The following MBD5 variants were observed in gnomAD, a reference collection of about 807,000 sequenced individuals.
The protein encoded by MBD5 is methyl-CpG-binding domain protein 5.
A neutral mutation model predicts 117.3 loss-of-function variants in MBD5; 13 were observed. The observed-to-expected ratio is 0.11, with a 90% CI of 0.07 to 0.18. MBD5 has a LOEUF of 0.18. Ranked by LOEUF, MBD5 falls within the 10% of genes least tolerant of loss-of-function variation. The pLI, the probability that MBD5 is intolerant of heterozygous loss-of-function variation, is 1.00. For missense variants in MBD5, 1,879 were observed against 2,093.8 expected, an observed-to-expected ratio of 0.90 and a Z score of 2.00; for synonymous variants, 727 against 766.4, an observed-to-expected ratio of 0.95 and a Z score of 0.85.
chr2:148,403,902 A>T (rs537205709), intron 4 of MBD5, among the ~76,000 whole-genome samples: 3 of 151,956 alleles, frequency 2.0e-5, no homozygotes, highest in African/African-American at 7.2e-5. Flanking sequence ...CCCCATTCCT[A>T]ACCCCTGCAA....
chr2:148,464,569 C>T (rs2105588106), intron 7 of MBD5, among the ~76,000 whole-genome samples: 1 of 152,128 alleles, frequency 6.6e-6, no homozygotes, highest in Non-Finnish European at 1.5e-5. Context: ...GGCTCACATT[C>T]AGGAAATTTA....
chr2:148,437,612 A>G (rs1706192906), intron 4 of MBD5, among the ~76,000 whole-genome samples: 1 of 152,102 alleles, frequency 6.6e-6, no homozygotes, highest in East Asian at 1.9e-4. Context: ...AACAAAAAAT[A>G]TGTCACAACA....
At chr2:148,417,645 G>T (rs576076890) in intron 4 of MBD5, among the ~76,000 whole-genome samples, 3 of 152,134 alleles carry the variant, frequency 2.0e-5, no homozygotes, top group Admixed American at 2.0e-4. Context: ...TTTAATACTG[G>T]CCATTCTGGC....
chr2:148,072,772 A>G (rs1695397346), intron 1 of MBD5, among the ~76,000 whole-genome samples: 1 of 152,158 alleles, frequency 6.6e-6, no homozygotes, highest in Admixed American at 6.5e-5. Flanking sequence ...CCAAATTTTC[A>G]TGTCCTAGGA....
At chr2:148,306,940 A>G (rs1250235272) in intron 3 of MBD5, among the ~76,000 whole-genome samples, 1 of 152,220 alleles carries the variant, frequency 6.6e-6, no homozygotes, top group East Asian at 1.9e-4. Context: ...AAGCTTAAAC[A>G]TCACATTTTA....
intron 4 of MBD5, among the ~76,000 whole-genome samples, chr2:148,399,660 G>T (rs368350744): frequency 3.3e-5 from 5 of 152,078 alleles, no homozygotes; most frequent in African/African-American, 1.2e-4. Flanking sequence ...TCTCCTGCCT[G>T]ATTGCCCTGG....
chr2:148,207,363 G>C (rs1171184813), intron 2 of MBD5, among the ~76,000 whole-genome samples: 2 of 151,772 alleles, frequency 1.3e-5, no homozygotes, highest in African/African-American at 4.8e-5. Context: ...GGGAGTGCCT[G>C]GGGGAAAGAA....
rs748817367 is a variant in MBD5 at position 148,224,683 on chromosome 2, G to A, written c.-830-8562G>A. Among the ~76,000 whole-genome samples the A allele has an allele frequency of 3.8e-4, 57 of 151,724 alleles. 1 individual carries two copies. The highest frequency in any genetic ancestry group is 7.8e-4 in the Non-Finnish European group (53 of 67,932). On this transcript the variant is annotated intron_variant, in intron 2 of 13. Transcript: ENST00000642680. ...GCTGCCTCTAGCTATTAGTGTATTG[G>A]GGCCTATCTCTATCTTTAGCTCTAA...
intron 12 of MBD5, among the ~76,000 whole-genome samples, chr2:148,504,300 T>C (rs1457207722): frequency 2.6e-5 from 4 of 152,244 alleles, no homozygotes; most frequent in Non-Finnish European, 5.9e-5. Context: ...GACTTTCCTT[T>C]TCGATGCCCA....
At chr2:148,358,137 T>C (rs746082357) in intron 4 of MBD5, among the ~76,000 whole-genome samples, 4 of 152,202 alleles carry the variant, frequency 2.6e-5, no homozygotes, top group Admixed American at 6.5e-5. Flanking sequence ...TTTTACTGGG[T>C]CTTAAAAGAA....
intron 4 of MBD5, among the ~76,000 whole-genome samples, chr2:148,371,863 A>G (rs961429756): frequency 6.6e-6 from 1 of 152,164 alleles, no homozygotes. Flanking sequence ...ACATCAACAT[A>G]TTAAAGTCAC....
chr2:148,044,368 C>T (rs1185958266), intron 1 of MBD5: 1 of 152,104 alleles, frequency 6.6e-6, no homozygotes. Flanking sequence ...TAGTATTAAG[C>T]AGAAACATTT....
At chr2:148,125,232 C>T (rs1341934167) in intron 1 of MBD5, among the ~76,000 whole-genome samples, 1 of 151,554 alleles carries the variant, frequency 6.6e-6, no homozygotes, top group African/African-American at 2.4e-5. Flanking sequence ...TTTTTTTAAC[C>T]AGTTCTTTAT....
chr2:148,470,331 C>T lies in MBD5; in HGVS notation c.2388C>T (p.Leu796=). 1.9e-6 allele frequency: 3 copies of T among 1,613,918 alleles called. No homozygotes were observed. The highest frequency in any genetic ancestry group is 1.7e-6 in the Non-Finnish European group (2 of 1,179,888). ...AGGCTAGCGGGAACTGTGGGATGCTCAGTCAGTCGGGCATGGCTTTAGGAA... is the reference window on the plus strand; with the variant it reads ...AGGCTAGCGGGAACTGTGGGATGCTTAGTCAGTCGGGCATGGCTTTAGGAA... The part of the protein sequence containing the change: ...QIQASGNCGM[L]SQSGMALGNS... Residue 796 remains leucine, a synonymous_variant, in exon 8 of 14, where the codon CTC becomes CTT. Coordinates refer to ENST00000642680, the MANE Select transcript of MBD5 (RefSeq NM_001378120.1).
At chr2:148,488,857 T>C (rs1681422977) in intron 10 of MBD5, among the ~76,000 whole-genome samples, 5 of 152,174 alleles carry the variant, frequency 3.3e-5, no homozygotes, top group Admixed American at 3.3e-4. Context: ...GGAGCAGGTA[T>C]TACTACCCCA....
intron 4 of MBD5, among the ~76,000 whole-genome samples, chr2:148,365,751 A>G (rs1253387970): frequency 1.3e-5 from 2 of 151,922 alleles, no homozygotes; most frequent in Non-Finnish European, 2.9e-5. Flanking sequence ...ATTCCTAGAC[A>G]CATGCACCCT....
intron 4 of MBD5, among the ~76,000 whole-genome samples, chr2:148,399,121 G>A (rs1704832549): frequency 6.6e-6 from 1 of 152,166 alleles, no homozygotes; most frequent in Admixed American, 6.5e-5. Flanking sequence ...GCTTAGGATT[G>A]ACTTGGCAAT....
At chr2:148,342,004 G>T (rs1280808220) in intron 3 of MBD5, among the ~76,000 whole-genome samples, 3 of 151,838 alleles carry the variant, frequency 2.0e-5, no homozygotes, top group African/African-American at 7.3e-5. Context: ...TTAAACATAT[G>T]AAAATAAAGT....
chr2:148,461,148 G>A (rs1188213856), intron 5 of MBD5, among the ~76,000 whole-genome samples: 1 of 152,114 alleles, frequency 6.6e-6, no homozygotes, highest in Non-Finnish European at 1.5e-5. Context: ...GGCCAGGCTG[G>A]TCTCAAATTC....
Sources: allele counts gnomAD v4.1 joint callset (sites outside exome capture counted in the v4.1 genomes callset), GRCh38; gene constraint gnomAD v4.1.1; transcripts MANE v1.5; gene names NCBI Gene and HGNC (gene_info 2026-07-23, HGNC 2026-07-21).